CYP2B6: variants seen among roughly 807,000 people sequenced by gnomAD.
CYP2B6 encodes the protein cytochrome P450 2B6.
CYP2B6 carries 35 observed loss-of-function variants against 43.4 expected under a neutral mutation model. That is an observed-to-expected ratio of 0.81 (90% CI 0.62 to 1.07). The LOEUF is 1.07. CYP2B6 is among the 50% of genes least tolerant of loss of function. The probability of loss-of-function intolerance (pLI) is 0.00; values close to 1 mark genes in which losing one functional copy is unlikely to be tolerated. For missense variants in CYP2B6, 624 were observed against 632.8 expected (o/e 0.99, Z 0.15); for synonymous variants, 239 against 239.2 (o/e 1.00, Z 0.01).
At chr19:40,999,142 T>A (rs977542393) in intron 1 of CYP2B6, among the ~76,000 whole-genome samples, 1 of 151,970 alleles carries the variant, frequency 6.6e-6, no homozygotes, top group Non-Finnish European at 1.5e-5. Flanking sequence ...TGGTATCTCA[T>A]TGTGGTTTTG....
intron 4 of CYP2B6, chr19:41,007,334 C>T (rs1404411743): frequency 4.2e-6 from 2 of 473,556 alleles, no homozygotes; most frequent in East Asian, 7.6e-5. Context: ...AAAAACAAGA[C>T]AAAGAAGAGC....
chr19:40,991,329 C>T lies in CYP2B6; in HGVS notation c.24C>T (p.Phe8=). 3.7e-6 allele frequency: 6 copies of T among 1,614,108 alleles called. No individual in the cohort carries two copies. Among genetic ancestry groups the T allele is most frequent in the Non-Finnish European group, 5.1e-6 (6 of 1,180,038 alleles). MELSVLL[F]LALLTGLLLL... is the part of the protein sequence containing the mutation. ...CCATGGAACTCAGCGTCCTCCTCTT[C>T]CTTGCACTCCTCACAGGACTCTTGC... The change falls in exon 1 of 9, where the codon TTC becomes TTT. Residue 8 remains phenylalanine, a synonymous_variant. Transcript: ENST00000324071.
intron 3 of CYP2B6, among the ~76,000 whole-genome samples, chr19:41,006,248 G>A (rs963532993): frequency 3.3e-5 from 5 of 151,674 alleles, no homozygotes; most frequent in African/African-American, 1.2e-4. Context: ...AAACTCCTGG[G>A]CCCATGTGAT....
chr19:41,004,832 T>TAGAAA (rs1174400623), intron 3 of CYP2B6, among the ~76,000 whole-genome samples: 1 of 151,738 alleles, frequency 6.6e-6, no homozygotes, highest in Admixed American at 6.6e-5. Flanking sequence ...CTACACAATA[T>TAGAAA]AGAAAAGAAG....
chr19:41,016,433 A>AGAGAG (rs58178502), intron 8 of CYP2B6, among the ~76,000 whole-genome samples: 2 of 98,996 alleles, frequency 2.0e-5, no homozygotes, highest in African/African-American at 8.3e-5. Context: ...AAAAAAAAAA[A>AGAGAG]AGAGAGAGAG....
intron 5 of CYP2B6, 167 bp downstream of exon 5, chr19:41,009,562 A>C: frequency 1.3e-6 from 1 of 768,958 alleles, no homozygotes; most frequent in Admixed American, 2.6e-5. Context: ...AAGGAAAGAA[A>C]GATGAGGTGA....
Position 41,005,187 on chromosome 19 carries a change from C to T in CYP2B6, c.484+741C>T, listed in dbSNP as rs114864618. Among the ~76,000 whole-genome samples the T allele has an allele frequency of 4.9e-4, 75 of 152,160 alleles. 1 individual carries two copies. Among genetic ancestry groups the T allele is most frequent in the South Asian group, 3.3e-3 (16 of 4,808 alleles). ...GACAGGCCAGGTGGGGTGTTCTGCC[C>T]GGGTGCAGCTGGAGGGGTCATCAAA... On this transcript the variant is annotated intron_variant, in intron 3 of 8. Coordinates refer to ENST00000324071, the MANE Select transcript of CYP2B6 (RefSeq NM_000767.5).
chr19:41,012,241 T>C (rs1423355562), intron 6 of CYP2B6, 57 bp from the exon 7 acceptor site: 28 of 1,561,118 alleles, frequency 1.8e-5, no homozygotes, highest in Non-Finnish European at 2.5e-5. Flanking sequence ...TGAGCCACCA[T>C]GCCTGGCCTG....
chr19:40,991,600 T>C (rs1409258608), intron 1 of CYP2B6, 124 bp downstream of exon 1: 2 of 998,324 alleles, frequency 2.0e-6, no homozygotes, highest in African/African-American at 3.2e-5. Flanking sequence ...GGTTGGTGAG[T>C]ACGGAGCATG....
At chr19:41,009,531 A>C in intron 5 of CYP2B6, 136 bp downstream of exon 5, 1 of 960,198 alleles carries the variant, frequency 1.0e-6, no homozygotes, top group Non-Finnish European at 1.6e-6. Context: ...AGAATAGGGA[A>C]AGGGAGGAGA....
At chr19:40,995,280 G>A (rs941385688) in intron 1 of CYP2B6, among the ~76,000 whole-genome samples, 11 of 152,118 alleles carry the variant, frequency 7.2e-5, no homozygotes, top group African/African-American at 2.7e-4. Flanking sequence ...TTTGCCTTAA[G>A]GTCTCCAACA....
In CYP2B6 at chr19:41,009,392, A is replaced by G; in HGVS notation, c.819A>G (p.Glu273=). ...DLIDTYLLHM[E]KEKSNAHSEF... ...TCGACACCTACCTGCTCCACATGGAAAAAGTGGGGTCTGGGAGAGGAAAAA... is the reference window on the plus strand; with the variant it reads ...TCGACACCTACCTGCTCCACATGGAGAAAGTGGGGTCTGGGAGAGGAAAAA... The change falls in exon 5 of 9, where the codon GAA becomes GAG. Residue 273 remains glutamate, a synonymous_variant. Coordinates refer to ENST00000324071, the MANE Select transcript of CYP2B6 (RefSeq NM_000767.5). The G allele has an allele frequency of 1.3e-6, 2 of 1,590,018 alleles. No homozygotes were observed. Among genetic ancestry groups the G allele is most frequent in the Non-Finnish European group, 1.7e-6 (2 of 1,161,142 alleles).
chr19:41,011,830 C>T (rs562452547), intron 6 of CYP2B6, among the ~76,000 whole-genome samples: 8 of 152,212 alleles, frequency 5.3e-5, no homozygotes, highest in East Asian at 3.9e-4. Flanking sequence ...GTTGCTTCCT[C>T]CCTCCTCCCC....
At position 41,004,391 on chromosome 19, in the gene CYP2B6, G is replaced by A. The variant is rs746106616; in HGVS notation, c.429G>A (p.Glu143=). 2 of 1,614,030 alleles carry A rather than the reference G, an allele frequency of 1.2e-6. No homozygotes were observed. Among genetic ancestry groups the A allele is most frequent in the Admixed American group, 3.3e-5 (2 of 60,000 alleles). ...RDFGMGKRSV[E]ERIQEEAQCL... ...TCGGGATGGGAAAGCGGAGTGTGGA[G>A]GAGCGGATTCAGGAGGAGGCTCAGT... The change falls in exon 3 of 9, where the codon GAG becomes GAA. Residue 143 remains glutamate, a synonymous_variant. Transcript: ENST00000324071.
chr19:41,013,866 T>C (rs1475855042), intron 8 of CYP2B6, among the ~76,000 whole-genome samples: 1 of 152,192 alleles, frequency 6.6e-6, no homozygotes, highest in Non-Finnish European at 1.5e-5. Flanking sequence ...GCACTATTTA[T>C]CCACAGGGAA....
intron 1 of CYP2B6, among the ~76,000 whole-genome samples, chr19:41,003,224 A>G (rs1231662349): frequency 6.6e-6 from 1 of 152,036 alleles, no homozygotes; most frequent in Admixed American, 6.6e-5. Flanking sequence ...TCCACTGGAG[A>G]TATCTTCTGA....
In CYP2B6 at chr19:41,017,074, A is replaced by C; in HGVS notation, c.*247A>C. The C allele has an allele frequency of 3.3e-6, 1 of 305,972 alleles. No homozygotes were observed. The highest frequency in any genetic ancestry group is 6.2e-6 in the Non-Finnish European group (1 of 161,016). 19.0% of individuals were successfully genotyped at this position (305,972 alleles called of 1,614,324 possible). On this transcript the variant is annotated 3_prime_UTR_variant, in exon 9 of 9. Transcript: ENST00000324071. The stretch of plus-strand genomic sequence containing the variant: ...TTCTTGTTTTTTGAGACAGAGTCTC[A>C]CACTGTTGCCCAGGCTGGAGTGCAG...
intron 1 of CYP2B6, among the ~76,000 whole-genome samples, chr19:40,993,074 TAG>T (rs1968945726): frequency 6.6e-6 from 1 of 152,142 alleles, no homozygotes; most frequent in South Asian, 2.1e-4. Flanking sequence ...TCAATAGTAT[TAG>T]AGTCCAATTG....
At chr19:41,004,272 A>G in intron 2 of CYP2B6, 25 bp from the exon 3 acceptor site, 1 of 1,613,874 alleles carries the variant, frequency 6.2e-7, no homozygotes, top group Non-Finnish European at 8.5e-7. Flanking sequence ...TTCTACAACC[A>G]ACCCACACCT....
Sources: allele counts gnomAD v4.1 joint callset (sites outside exome capture counted in the v4.1 genomes callset), GRCh38; gene constraint gnomAD v4.1.1; transcripts MANE v1.5; gene names NCBI Gene and HGNC (gene_info 2026-07-23, HGNC 2026-07-21).